Variants in BLK observed in about 807,000 individuals in gnomAD.
The protein encoded by BLK is tyrosine-protein kinase Blk.
BLK carries 64 observed loss-of-function variants against 61.8 expected under a neutral mutation model. That is an observed-to-expected ratio of 1.03 (90% CI 0.85 to 1.27). The LOEUF is 1.27. BLK is among the 50% of genes most tolerant of loss of function. BLK has a pLI of 0.00. For synonymous variants in BLK, 351 were observed against 272.0 expected (o/e 1.29, Z -2.86); for missense variants, 853 against 660.5 (o/e 1.29, Z -3.19).
intron 1 of BLK, among the ~76,000 whole-genome samples, chr8:11,518,014 A>G (rs1297246440): frequency 1.3e-5 from 2 of 152,140 alleles, no homozygotes; most frequent in African/African-American, 2.4e-5. Context: ...CTTTGACCTC[A>G]CTGTCAGGGC....
intron 1 of BLK, among the ~76,000 whole-genome samples, chr8:11,518,033 G>T (rs1432295745): frequency 1.3e-5 from 2 of 152,184 alleles, no homozygotes; most frequent in Non-Finnish European, 2.9e-5. Flanking sequence ...GCCTGCCCCA[G>T]ATGCCAGCAC....
intron 2 of BLK, among the ~76,000 whole-genome samples, chr8:11,544,355 C>G (rs1298521681): frequency 6.6e-6 from 1 of 152,134 alleles, no homozygotes; most frequent in Non-Finnish European, 1.5e-5. Context: ...AGCCTTGCCG[C>G]GACCCCCTCT....
chr8:11,558,143 CA>C (rs1801322024), intron 10 of BLK, 105 bp downstream of exon 10: 1 of 1,185,996 alleles, frequency 8.4e-7, no homozygotes, highest in Admixed American at 1.9e-5. Flanking sequence ...CAGGAGAAGT[CA>C]GGGGGTACTG....
Position 11,564,548 on chromosome 8 carries a change from G to T in BLK, c.*440G>T, listed in dbSNP as rs1307752315. 2.1e-6 allele frequency: 1 copy of T among 468,682 alleles called. No homozygotes were observed. The highest frequency in any genetic ancestry group is 4.2e-6 in the Non-Finnish European group (1 of 235,530). 29.0% of individuals were successfully genotyped at this position (468,682 alleles called of 1,614,324 possible). ...GCCAGCAGGGGCAGCCCCAGCCTAG[G>T]CTGCGCTCCAGCACTGCGGGGCTTT... is the stretch of plus-strand genomic sequence containing the variant. On this transcript the variant is annotated 3_prime_UTR_variant, in exon 13 of 13. Transcript: ENST00000259089.
intron 1 of BLK, among the ~76,000 whole-genome samples, chr8:11,535,788 C>T (rs1217297971): frequency 6.6e-6 from 1 of 152,216 alleles, no homozygotes; most frequent in East Asian, 1.9e-4. Flanking sequence ...GACAGCATCT[C>T]TACCAAGAGG....
Position 11,563,022 on chromosome 8 carries a change from C to T in BLK, c.1224C>T (p.His408=), listed in dbSNP as rs1380311292. 3 of 1,614,190 alleles carry T rather than the reference C, an allele frequency of 1.9e-6. No homozygotes were observed. Among genetic ancestry groups the T allele is most frequent in the South Asian group, 2.2e-5 (2 of 91,090 alleles). The part of the protein sequence containing the change: ...PIKWTAPEAI[H]FGVFTIKADV... The stretch of plus-strand genomic sequence containing the variant: ...AGTGGACAGCCCCGGAAGCCATCCA[C>T]TTCGGGGTCTTCACCATCAAAGCAG... Residue 408 remains histidine, a synonymous_variant, in exon 12 of 13, where the codon CAC becomes CAT. Coordinates refer to ENST00000259089, the MANE Select transcript of BLK (RefSeq NM_001715.3).
At position 11,549,242 on chromosome 8, in the gene BLK, G is replaced by T. The variant is rs1800796812; in HGVS notation, c.368+120G>T. 6 of 872,438 alleles carry T rather than the reference G, an allele frequency of 6.9e-6. No individual in the cohort carries two copies. The East Asian group carries it at 1.3e-4, about 19-fold the overall frequency. 54.0% of individuals were successfully genotyped at this position (872,438 alleles called of 1,614,324 possible). A position where few individuals can be genotyped will look rare whatever the true frequency, so the allele number is the denominator to read the frequency against. On this transcript the variant is annotated intron_variant, in intron 5 of 12. Coordinates refer to ENST00000259089, the MANE Select transcript of BLK (RefSeq NM_001715.3). ...CAGGGAGCCTGCAGGCACTAGCAAAGAGGGGACAGGAAATGAGCTCTGCTG... is the reference window on the plus strand; with the variant it reads ...CAGGGAGCCTGCAGGCACTAGCAAATAGGGGACAGGAAATGAGCTCTGCTG...
Position 11,547,308 on chromosome 8 carries a change from C to G in BLK, c.176-724C>G, listed in dbSNP as rs573412245. ...ACCAGCCCGAGGTCACAACACTCAG[C>G]TCAGTGACAGAGCGGAGCCACCCCA... On this transcript the variant is annotated intron_variant, in intron 3 of 12. Coordinates refer to ENST00000259089, the MANE Select transcript of BLK (RefSeq NM_001715.3). Among the ~76,000 whole-genome samples, 3 of 152,388 alleles carry G rather than the reference C, an allele frequency of 2.0e-5. No homozygotes were observed. The South Asian group carries it at 6.2e-4, about 32-fold the overall frequency.
At chr8:11,559,512 C>A (rs1177429488) in intron 10 of BLK, among the ~76,000 whole-genome samples, 2 of 146,876 alleles carry the variant, frequency 1.4e-5, no homozygotes, top group South Asian at 2.1e-4. Context: ...CACAAACTCA[C>A]ACACACAAAC....
At chr8:11,560,884 CT>C (rs756734732) in intron 10 of BLK, 1 of 465,616 alleles carries the variant, frequency 2.1e-6, no homozygotes, top group South Asian at 1.5e-5. Flanking sequence ...GGGCCTCCAG[CT>C]CCAGGAGCTG....
At chr8:11,545,260 A>G (rs765310207) in intron 2 of BLK, among the ~76,000 whole-genome samples, 15 of 152,142 alleles carry the variant, frequency 9.9e-5, no homozygotes, top group African/African-American at 1.9e-4. Flanking sequence ...AAAATTGTTT[A>G]TGTATCGGTC....
At chr8:11,553,109 GCA>G (rs999274871) in intron 6 of BLK, 161 of 190,378 alleles carry the variant, frequency 8.5e-4, no homozygotes, top group South Asian at 2.6e-3. Context: ...ACGTACATAT[GCA>G]CACACACACA....
intron 1 of BLK, among the ~76,000 whole-genome samples, chr8:11,540,525 T>C (rs1281590421): frequency 6.6e-6 from 1 of 152,148 alleles, no homozygotes; most frequent in Non-Finnish European, 1.5e-5. Flanking sequence ...TAATTTTAAT[T>C]AAAAGAACAT....
Position 11,554,861 on chromosome 8 carries a change from G to T in BLK, c.591G>T (p.Ser197=), listed in dbSNP as rs140834602. The change falls in exon 7 of 13, where the codon TCG becomes TCT. Residue 197 remains serine, a synonymous_variant. Coordinates refer to ENST00000259089, the MANE Select transcript of BLK (RefSeq NM_001715.3). ...TCTCCCCCCGGATCACCTTCCCCTC[G>T]CTCCAGGCCCTGGTGCAGCACTATT... ...YYISPRITFP[S]LQALVQHYSK... is the part of the protein sequence containing the mutation. 2.5e-6 allele frequency: 4 copies of T among 1,613,672 alleles called. No homozygotes were observed. The highest frequency in any genetic ancestry group is 3.4e-6 in the Non-Finnish European group (4 of 1,179,980).
chr8:11,536,096 G>T (rs1800121303), intron 1 of BLK, among the ~76,000 whole-genome samples: 1 of 152,212 alleles, frequency 6.6e-6, no homozygotes, highest in Admixed American at 6.5e-5. Flanking sequence ...TATGAATTGG[G>T]TTCAATGGCT....
At chr8:11,543,001 C>T (rs2117446235) in intron 1 of BLK, among the ~76,000 whole-genome samples, 1 of 152,290 alleles carries the variant, frequency 6.6e-6, no homozygotes, top group Middle Eastern at 3.4e-3. Context: ...TTTCTGTGTC[C>T]TAAATGCAGT....
At chr8:11,528,611 G>C in intron 1 of BLK, among the ~76,000 whole-genome samples, 1 of 152,152 alleles carries the variant, frequency 6.6e-6, no homozygotes, top group South Asian at 2.1e-4. Context: ...GGCATATTTG[G>C]GGGAGGGGTT....
chr8:11,502,162 A>G (rs1000149489), intron 1 of BLK, among the ~76,000 whole-genome samples: 3 of 152,248 alleles, frequency 2.0e-5, no homozygotes, highest in African/African-American at 7.2e-5. Context: ...TATTATTAAG[A>G]TGCAGTAAAA....
chr8:11,503,592 G>T (rs1399001404), intron 1 of BLK, among the ~76,000 whole-genome samples: 1 of 152,184 alleles, frequency 6.6e-6, no homozygotes, highest in Non-Finnish European at 1.5e-5. Context: ...GTGGCTGGGT[G>T]ATTTCCTGCC....
Sources: allele counts gnomAD v4.1 joint callset (sites outside exome capture counted in the v4.1 genomes callset), GRCh38; gene constraint gnomAD v4.1.1; transcripts MANE v1.5; gene names NCBI Gene and HGNC (gene_info 2026-07-23, HGNC 2026-07-21).